PRR5: variants seen among roughly 807,000 people sequenced by gnomAD.
The protein encoded by PRR5 is proline-rich protein 5.
In PRR5, 25 loss-of-function variants were observed where a neutral mutation model predicts 30.6. That is an observed-to-expected ratio of 0.82 (90% confidence interval 0.60 to 1.14). PRR5 has a LOEUF of 1.14. Ranked by LOEUF, PRR5 falls within the 50% of genes most tolerant of loss-of-function variation. The pLI, the probability that PRR5 is intolerant of heterozygous loss-of-function variation, is 0.00. For missense variants in PRR5, 600 were observed against 547.1 expected, an observed-to-expected ratio of 1.10 and a Z score of -0.96; for synonymous variants, 286 against 247.1, an observed-to-expected ratio of 1.16 and a Z score of -1.48.
upstream of PRR5, among the ~76,000 whole-genome samples, chr22:44,674,614 G>T (rs892184056): frequency 6.6e-6 from 1 of 151,444 alleles, no homozygotes; most frequent in Non-Finnish European, 1.5e-5. Context: ...CCAGCTACTA[G>T]GGAGGCTGAG....
chr22:44,720,802 A>G (rs1929814992), intron 2 of PRR5, among the ~76,000 whole-genome samples: 1 of 152,160 alleles, frequency 6.6e-6, no homozygotes, highest in African/African-American at 2.4e-5. Flanking sequence ...ACCCCTGCCC[A>G]GAGAAGGAGT....
At chr22:44,710,929 G>A (rs1928118540) in intron 1 of PRR5, among the ~76,000 whole-genome samples, 1 of 152,194 alleles carries the variant, frequency 6.6e-6, no homozygotes, top group African/African-American at 2.4e-5. Context: ...AGCACCCCGG[G>A]CGGTCGGCAC....
intron 1 of PRR5, among the ~76,000 whole-genome samples, chr22:44,688,570 G>T (rs912969490): frequency 6.6e-6 from 1 of 152,182 alleles, no homozygotes; most frequent in African/African-American, 2.4e-5. Context: ...TACCATATGG[G>T]GTTGCTGCCA....
At chr22:44,716,937 C>G (rs547630046) in intron 2 of PRR5, among the ~76,000 whole-genome samples, 1 of 152,164 alleles carries the variant, frequency 6.6e-6, no homozygotes, top group Middle Eastern at 3.4e-3. Context: ...TGGCAGGCAC[C>G]TGTAGTACCA....
chr22:44,725,281 G>T lies in PRR5; in HGVS notation c.253G>T (p.Glu85Ter). Reference sequence around the variant, plus strand: ...GACAGAGCTGGGGTCCTTCTTCACGGAGTACCTGCAGGTAGGTGGGTCTTG... The same window carrying T: ...GACAGAGCTGGGGTCCTTCTTCACGTAGTACCTGCAGGTAGGTGGGTCTTG... ...LKTELGSFFT[E>*]YLQNQLLTKG... The change falls in exon 3 of 8, where the codon GAG (glutamate) becomes TAG (stop). Residue 85 changes from glutamate (E) to a stop codon, truncating the protein, a stop_gained. Transcript: ENST00000336985. LOFTEE classifies it high-confidence loss of function. 1 of 1,613,636 alleles carries T rather than the reference G, an allele frequency of 6.2e-7. No homozygotes were observed. The highest frequency in any genetic ancestry group is 1.1e-5 in the South Asian group (1 of 91,076).
intron 6 of PRR5, 80 bp from the exon 7 acceptor site, chr22:44,734,947 G>A (rs200298052): frequency 2.5e-5 from 37 of 1,478,914 alleles, no homozygotes; most frequent in Non-Finnish European, 3.3e-5. Context: ...GCTGTCTGGT[G>A]GGTGGGACAT....
chr22:44,737,059 C>G lies in PRR5; in HGVS notation c.979C>G (p.Gln327Glu). The change falls in exon 8 of 8, where the codon CAG becomes GAG. Residue 327 changes from glutamine to glutamate, a missense_variant. Physicochemically the swap from Gln to Glu is conservative, Grantham distance 29 (BLOSUM62 2). Transcript: ENST00000336985. ...PCPSRLYPTT[Q>E]PPEQGLDPTR... ...CCCCAGCAGACTGTACCCCACGACC[C>G]AGCCCCCTGAGCAGGGCTTGGATCC... 3 of 1,609,276 alleles carry G rather than the reference C, an allele frequency of 1.9e-6. No homozygotes were observed. Among genetic ancestry groups the G allele is most frequent in the Non-Finnish European group, 1.7e-6 (2 of 1,178,690 alleles).
At chr22:44,685,612 C>CCACACCCCTCTCGCCAGTGAAAGA (rs1924677406) in intron 1 of PRR5, among the ~76,000 whole-genome samples, 1 of 151,992 alleles carries the variant, frequency 6.6e-6, no homozygotes, top group Non-Finnish European at 1.5e-5. Flanking sequence ...CCAGTGAAAG[C>CCACACCCCTCTCGCCAGTGAAAGA]CACACCCCTC....
intron 4 of PRR5, among the ~76,000 whole-genome samples, chr22:44,727,871 C>T (rs1602076354): frequency 6.6e-6 from 1 of 152,356 alleles, no homozygotes; most frequent in Middle Eastern, 3.4e-3. Context: ...ACCATCAGAC[C>T]GTCGGGGAGA....
At chr22:44,679,784 CA>C in intron 1 of PRR5, 1 of 1,586,508 alleles carries the variant, frequency 6.3e-7, no homozygotes, top group Admixed American at 1.8e-5. Flanking sequence ...GCAGGCTGGT[CA>C]GAAGACATAG....
chr22:44,687,150 TTG>T (rs1172390283), intron 1 of PRR5, among the ~76,000 whole-genome samples: 10 of 152,250 alleles, frequency 6.6e-5, no homozygotes, highest in Admixed American at 3.3e-4. Context: ...GCATTGTTTA[TTG>T]TTGCTGATAT....
chr22:44,680,539 C>T lies in PRR5; in HGVS notation c.-11+3299C>T, dbSNP rs746382817. ...CATCCCAGAGCCGCAGCAGTGGCAG[C>T]GCTGCCTCCATGGAGGTCCCACAGC... On this transcript the variant is annotated intron_variant, in intron 1 of 8. Transcript: ENST00000006251. 2.6e-5 allele frequency among the ~76,000 whole-genome samples: 4 copies of T among 152,310 alleles called. No individual in the cohort carries two copies. In the East Asian group the frequency reaches 7.7e-4, roughly 29 times the overall value.
Position 44,702,331 on chromosome 22 carries a change from G to A in PRR5, c.-144G>A. ...GAGACGGAGGCGCGGGGCCGGGGCG[G>A]GACCCCGCAGGACCGCTCGGCTTCC... On this transcript the variant is annotated 5_prime_UTR_variant, in exon 1 of 8. Coordinates refer to ENST00000336985, the MANE Select transcript of PRR5 (RefSeq NM_181333.4). 8.7e-7 allele frequency: 1 copy of A among 1,152,766 alleles called. No individual in the cohort carries two copies. The highest frequency in any genetic ancestry group is 4.6e-5 in the Admixed American group (1 of 21,650). 71.4% of individuals were successfully genotyped at this position (1,152,766 alleles called of 1,614,324 possible).
chr22:44,736,081 C>A (rs1246686199), intron 7 of PRR5, among the ~76,000 whole-genome samples: 3 of 152,216 alleles, frequency 2.0e-5, no homozygotes, highest in Admixed American at 1.3e-4. Flanking sequence ...AACCCTGCCC[C>A]CCAACCAGCC....
In PRR5 at chr22:44,678,573, C is replaced by A. The variant is rs569079968; in HGVS notation, c.-11+1333C>A. Reference sequence around the variant, plus strand: ...CAGGTGATCCACCCGCCTCTGCCCCCCAAAGTGCTGGGATCACAGGTGTGA... The same window carrying A: ...CAGGTGATCCACCCGCCTCTGCCCCACAAAGTGCTGGGATCACAGGTGTGA... On this transcript the variant is annotated intron_variant, in intron 1 of 8. Transcript: ENST00000006251. Among the ~76,000 whole-genome samples the A allele has an allele frequency of 4.6e-5, 7 of 152,290 alleles. No individual in the cohort carries two copies. In the South Asian group the frequency reaches 1.4e-3, roughly 32 times the overall value.
At chr22:44,678,040 T>A (rs1923919095) in intron 1 of PRR5, among the ~76,000 whole-genome samples, 1 of 152,144 alleles carries the variant, frequency 6.6e-6, no homozygotes, top group African/African-American at 2.4e-5. Flanking sequence ...CCTAAGGTGC[T>A]TAGAGTTCTG....
chr22:44,729,909 G>T (rs147977148), intron 4 of PRR5: 1 of 985,368 alleles, frequency 1.0e-6, no homozygotes, highest in African/African-American at 1.7e-5. Flanking sequence ...CTGCCGCGGC[G>T]GAGGGGGACT....
intron 2 of PRR5, among the ~76,000 whole-genome samples, chr22:44,717,422 C>G (rs1929241011): frequency 6.6e-6 from 1 of 151,986 alleles, no homozygotes; most frequent in African/African-American, 2.4e-5. Context: ...AAACTCCTGA[C>G]CTCAGATGAT....
At position 44,737,446 on chromosome 22, in the gene PRR5, C is replaced by T. The variant is rs1474575359; in HGVS notation, c.*199C>T. On this transcript the variant is annotated 3_prime_UTR_variant, in exon 8 of 8. Coordinates refer to ENST00000336985, the MANE Select transcript of PRR5 (RefSeq NM_181333.4). The stretch of plus-strand genomic sequence containing the variant: ...TTCCTTGCTCGGCCCAGGTCTGTTT[C>T]AGGCATCTGAGTCGGCGTTTACCCA... 3 of 1,183,482 alleles carry T rather than the reference C, an allele frequency of 2.5e-6. No individual in the cohort carries two copies. The East Asian group carries it at 7.9e-5, about 31-fold the overall frequency. The allele number at this position is 1,183,482 out of a possible 1,614,324, so 73.3% of individuals were successfully genotyped here.
Sources: allele counts gnomAD v4.1 joint callset (sites outside exome capture counted in the v4.1 genomes callset), GRCh38; gene constraint gnomAD v4.1.1; transcripts MANE v1.5; gene names NCBI Gene and HGNC (gene_info 2026-07-23, HGNC 2026-07-21).